PCDHGB4: variants seen among roughly 807,000 people sequenced by gnomAD.
The protein encoded by PCDHGB4 is protocadherin gamma subfamily B, 4.
A neutral mutation model predicts 60.5 loss-of-function variants in PCDHGB4; 38 were observed. The ratio of observed to expected loss-of-function variants is 0.63; its 90% CI spans 0.48 to 0.82. The LOEUF (loss-of-function observed/expected upper bound fraction) is 0.82, where lower values mean the gene tolerates loss of function less well. Ranked by LOEUF, PCDHGB4 falls within the 40% of genes least tolerant of loss-of-function variation. The pLI, the probability that PCDHGB4 is intolerant of heterozygous loss-of-function variation, is 0.00. For synonymous variants in PCDHGB4, 456 were observed against 509.7 expected (o/e 0.89, Z 1.42); for missense variants, 1,109 against 1,209.6 (o/e 0.92, Z 1.23).
intron 1 of PCDHGB4, chr5:141,398,947 A>G: frequency 1.2e-6 from 2 of 1,613,968 alleles, no homozygotes; most frequent in Admixed American, 1.7e-5. Context: ...CGAGGGCATC[A>G]ACTCAGAAAT....
Position 141,489,606 on chromosome 5 carries a change from G to A in PCDHGB4, c.2398-5201G>A. The stretch of plus-strand genomic sequence containing the variant: ...TGGAGCTAATCCGTGTAGAGGTAGA[G>A]ATCCTGGATCTCAATGACAACTCTC... On this transcript the variant is annotated intron_variant, in intron 1 of 3. Coordinates refer to ENST00000519479, the MANE Select transcript of PCDHGB4 (RefSeq NM_003736.4). This position sits in a 1 kb window ranked among gnomAD's most constrained non-coding sequence, Gnocchi z 4.5. The A allele has an allele frequency of 6.2e-7, 1 of 1,614,110 alleles. No homozygotes were observed.
In PCDHGB4 at chr5:141,388,958, C is replaced by G; in HGVS notation, c.1074C>G (p.Ala358=). ...QSLPNLIMED[A]ELGTHIALLK... is the part of the protein sequence containing the mutation. ...TACCCAACCTAATTATGGAGGACGC[C>G]GAGCTGGGAACACATATTGCTTTGC... The change falls in exon 1 of 4, where the codon GCC becomes GCG. Residue 358 remains alanine (A), a synonymous_variant. Transcript: ENST00000519479. 6.2e-7 allele frequency: 1 copy of G among 1,613,930 alleles called. No homozygotes were observed. The highest frequency in any genetic ancestry group is 8.5e-7 in the Non-Finnish European group (1 of 1,179,876).
At chr5:141,403,895 T>G in intron 1 of PCDHGB4, 1 of 1,613,884 alleles carries the variant, frequency 6.2e-7, no homozygotes, top group Non-Finnish European at 8.5e-7. Context: ...ATGTTCATTT[T>G]ATGAAATGGA....
At chr5:141,427,153 T>C (rs2096993361) in intron 1 of PCDHGB4, 1 of 456,886 alleles carries the variant, frequency 2.2e-6, no homozygotes, top group Non-Finnish European at 4.4e-6. Context: ...GGAAATATGT[T>C]TGTGCTAGAC....
chr5:141,389,356 C>T lies in PCDHGB4; in HGVS notation c.1472C>T (p.Ala491Val), dbSNP rs188323445. 2.1e-5 allele frequency: 34 copies of T among 1,613,916 alleles called. No homozygotes were observed. The Middle Eastern group carries it at 1.6e-3, about 78-fold the overall frequency. ...GGCCAAGTCTCTTACTGCATCATGG[C>T]CAGTGACCTGGAGCAGCGGGAGCTG... ...PNGQVSYCIM[A>V]SDLEQRELSS... Residue 491 changes from alanine (A) to valine (V), a missense_variant, in exon 1 of 4, where the codon GCC becomes GTC. Around this residue, in one of 2 missense-constraint regions of PCDHGB4, gnomAD observed 1,068 missense variants for 1,089.9 expected, o/e 0.98. Transcript: ENST00000519479.
Position 141,431,826 on chromosome 5 carries a change from TTCCCGAAAACTC to T in PCDHGB4, c.2397+41550_2397+41561del, listed in dbSNP as rs755346532. ...GTCCTCACCTCTCTCGCCAGCTCGGTTCCCGAAAACTCTCCCAGAGGGACATTAATTGCCCTT... is the reference window on the plus strand; with the variant it reads ...GTCCTCACCTCTCTCGCCAGCTCGGTTCCCAGAGGGACATTAATTGCCCTT... On this transcript the variant is annotated intron_variant, in intron 1 of 3. Transcript: ENST00000519479. The surrounding 1 kb of genome is among the most constrained non-coding windows in gnomAD (Gnocchi z 4.8). The T allele has an allele frequency of 4.3e-6, 7 of 1,614,102 alleles. No individual in the cohort carries two copies. Among genetic ancestry groups the T allele is most frequent in the Admixed American group, 1.7e-5 (1 of 60,006 alleles).
At chr5:141,509,953 G>A (rs987910496) in intron 3 of PCDHGB4, among the ~76,000 whole-genome samples, 4 of 152,282 alleles carry the variant, frequency 2.6e-5, no homozygotes, top group Non-Finnish European at 4.4e-5. Context: ...AAATGCTACC[G>A]GGTATGGCCT....
chr5:141,433,651 C>T (rs905489069), intron 1 of PCDHGB4, among the ~76,000 whole-genome samples: 3 of 152,064 alleles, frequency 2.0e-5, no homozygotes, highest in Non-Finnish European at 2.9e-5. Context: ...GCCTGACCAA[C>T]ATGGAGAAAC....
rs545232987 is a variant in PCDHGB4 at position 141,484,750 on chromosome 5, G to GTA, written c.2398-10043_2398-10042dup. 2.3e-3 allele frequency among the ~76,000 whole-genome samples: 340 copies of GTA among 149,860 alleles called. 1 individual carries two copies. Among genetic ancestry groups the GTA allele is most frequent in the South Asian group, 1.0e-2 (47 of 4,704 alleles). On this transcript the variant is annotated intron_variant, in intron 1 of 3. Coordinates refer to ENST00000519479, the MANE Select transcript of PCDHGB4 (RefSeq NM_003736.4). ...CAGTCGGTGTGTTAGGAAAAAAAAT[G>GTA]TATATATATATATATGTTGTCTGCC...
At position 141,485,073 on chromosome 5, in the gene PCDHGB4, C is replaced by T. The variant is rs1167407526; in HGVS notation, c.2398-9734C>T. ...CGGCCGAACCGCGCCAGAGCTGGCG[C>T]GGGGAAAGGGAGATAGGTGTCTCCA... On this transcript the variant is annotated intron_variant, in intron 1 of 3. Transcript: ENST00000519479. The surrounding 1 kb of genome is among the most constrained non-coding windows in gnomAD (Gnocchi z 5.7). 3.3e-6 allele frequency: 3 copies of T among 922,354 alleles called. No homozygotes were observed. The highest frequency in any genetic ancestry group is 4.8e-5 in the East Asian group (2 of 41,404). 57.1% of individuals were successfully genotyped at this position (922,354 alleles called of 1,614,324 possible).
intron 1 of PCDHGB4, chr5:141,428,311 G>A: frequency 3.0e-6 from 2 of 671,726 alleles, no homozygotes; most frequent in Non-Finnish European, 5.3e-6. Context: ...CCTGGTCGTG[G>A]CCTTGGCCTT....
In PCDHGB4 at chr5:141,502,866, C is replaced by CTTTTTTTTTTTT. The variant is rs549047197; in HGVS notation, c.2457-2524_2457-2513dup. 2.4e-4 allele frequency among the ~76,000 whole-genome samples: 31 copies of CTTTTTTTTTTTT among 128,008 alleles called. 3 individuals are homozygous for CTTTTTTTTTTTT. Among genetic ancestry groups the CTTTTTTTTTTTT allele is most frequent in the African/African-American group, 3.4e-4 (11 of 32,350 alleles). 84.0% of individuals were successfully genotyped at this position (128,008 alleles called of 152,430 possible). ...GAGCTGCCTAACCCTGACTCTCTGT[C>CTTTTTTTTTTTT]TTTTTTTTTTTTTTGACAGGGAGTC... is the stretch of plus-strand genomic sequence containing the variant. On this transcript the variant is annotated intron_variant, in intron 2 of 3. Transcript: ENST00000519479.
At chr5:141,500,417 G>A in intron 2 of PCDHGB4, among the ~76,000 whole-genome samples, 1 of 151,736 alleles carries the variant, frequency 6.6e-6, no homozygotes, top group East Asian at 2.0e-4. Flanking sequence ...CACCGTGTTA[G>A]CCAGGATGGT....
At chr5:141,457,094 C>T (rs2098908295) in intron 1 of PCDHGB4, among the ~76,000 whole-genome samples, 1 of 152,154 alleles carries the variant, frequency 6.6e-6, no homozygotes, top group Non-Finnish European at 1.5e-5. Context: ...TATAAGGATA[C>T]TAATTAAGCA....
chr5:141,405,593 C>T (rs1262163993), intron 1 of PCDHGB4: 1 of 579,000 alleles, frequency 1.7e-6, no homozygotes, highest in African/African-American at 1.9e-5. Context: ...TACAGGCCTC[C>T]CAAGTAGAAT....
Position 141,484,647 on chromosome 5 carries a change from G to A in PCDHGB4, c.2398-10160G>A, listed in dbSNP as rs556711906. Among the ~76,000 whole-genome samples, 104 of 152,066 alleles carry A rather than the reference G, an allele frequency of 6.8e-4. 3 individuals carry two copies. Among genetic ancestry groups the A allele is most frequent in the East Asian group, 1.2e-3 (6 of 5,166 alleles). ...TGAACAAAGTGACCACTCTCCAATG[G>A]CTACTCTCCCTCTCAGTGGGCCGCA... On this transcript the variant is annotated intron_variant, in intron 1 of 3. Transcript: ENST00000519479.
intron 1 of PCDHGB4, chr5:141,399,118 A>G: frequency 6.2e-7 from 1 of 1,613,822 alleles, no homozygotes; most frequent in Non-Finnish European, 8.5e-7. Context: ...TACAGTTGAA[A>G]TTAATATTCA....
At chr5:141,510,844 C>A in intron 3 of PCDHGB4, 103 bp from the exon 4 acceptor site, 1 of 1,592,684 alleles carries the variant, frequency 6.3e-7, no homozygotes, top group South Asian at 1.1e-5. Context: ...GTGGTCAAGG[C>A]CCAGGGTGCT....
Position 141,486,486 on chromosome 5 carries a change from A to G in PCDHGB4, c.2398-8321A>G. The G allele has an allele frequency of 6.2e-7, 1 of 1,614,056 alleles. No individual in the cohort carries two copies. Among genetic ancestry groups the G allele is most frequent in the South Asian group, 1.1e-5 (1 of 91,084 alleles). ...GCTGGGAACCCTCCTCTCAGTACCC[A>G]CAGAACTATTTTCCTCAATATTTCA... On this transcript the variant is annotated intron_variant, in intron 1 of 3. Coordinates refer to ENST00000519479, the MANE Select transcript of PCDHGB4 (RefSeq NM_003736.4). The surrounding 1 kb of genome is among the most constrained non-coding windows in gnomAD (Gnocchi z 5.0).
Sources: gnomAD v4.1 joint callset for allele counts (sites outside exome capture counted in the v4.1 genomes callset) on GRCh38, gnomAD v4.1.1 for gene constraint, gnomAD v4.1.1 regional missense constraint, Gnocchi (gnomAD v3.1) non-coding constraint, MANE v1.5 for transcripts, NCBI Gene and HGNC (gene_info 2026-07-23, HGNC 2026-07-21) for gene names.